The following HSPA4 variants were observed in gnomAD, a reference collection of about 807,000 sequenced individuals.
The protein encoded by HSPA4 is heat shock protein family A (Hsp70) member 4.
Under a neutral mutation model 106.2 loss-of-function variants are expected in HSPA4, and 25 were observed. That is an observed-to-expected ratio of 0.24 (90% CI 0.17 to 0.33). The LOEUF is 0.33. Ranked by LOEUF, HSPA4 falls within the 10% of genes least tolerant of loss-of-function variation. HSPA4 has a pLI of 1.00. For synonymous variants in HSPA4, 332 were observed against 333.6 expected (o/e 1.00, Z 0.05); for missense variants, 841 against 996.0 (o/e 0.84, Z 2.10).
rs56263518 is a variant in HSPA4 at position 133,090,430 on chromosome 5, C to CAAAA, written c.1379-741_1379-738dup. Among the ~76,000 whole-genome samples the CAAAA allele has an allele frequency of 3.1e-3, 170 of 54,862 alleles. 10 individuals carry two copies. The highest frequency in any genetic ancestry group is 0.022 in the East Asian group (33 of 1,488). The allele number at this position is 54,862 out of a possible 152,430, so 36.0% of individuals were successfully genotyped here. ...TAGGCGACAGAGCGAGACTCTGTCTCAAAAAAAAAAAAAAAAAAAAAAAAA... is the reference window on the plus strand; with the variant it reads ...TAGGCGACAGAGCGAGACTCTGTCTCAAAAAAAAAAAAAAAAAAAAAAAAAAAAA... On this transcript the variant is annotated intron_variant, in intron 11 of 18. Transcript: ENST00000304858.
intron 1 of HSPA4, among the ~76,000 whole-genome samples, chr5:133,054,662 C>T (rs1357867530): frequency 2.0e-5 from 3 of 152,234 alleles, no homozygotes; most frequent in African/African-American, 7.2e-5. Context: ...TTTATTTTCC[C>T]TATTTGTACT....
intron 7 of HSPA4, among the ~76,000 whole-genome samples, chr5:133,083,663 A>T (rs1434965941): frequency 6.6e-6 from 1 of 151,784 alleles, no homozygotes; most frequent in African/African-American, 2.4e-5. Context: ...TCAGCTTCCC[A>T]AGTAGCTGGG....
intron 1 of HSPA4, chr5:133,053,001 A>G (rs1329138476): frequency 6.6e-6 from 1 of 152,262 alleles, no homozygotes; most frequent in African/African-American, 2.4e-5. Context: ...TTTCCACATT[A>G]TTTCGGGATA....
At position 133,086,834 on chromosome 5, in the gene HSPA4, C is replaced by CT; in HGVS notation, c.963dup (p.Arg322SerfsTer2). On this transcript the variant is annotated frameshift_variant, in exon 8 of 19. Coordinates refer to ENST00000304858, the MANE Select transcript of HSPA4 (RefSeq NM_002154.4). LOFTEE classifies it high-confidence loss of function. ...TCTCTTAGCTAGAGTGGAGCCACCA[C>CT]TTCGTAGTGTTTTGGAACAAACCAG... The CT allele has an allele frequency of 6.2e-7, 1 of 1,613,316 alleles. No homozygotes were observed. The highest frequency in any genetic ancestry group is 8.5e-7 in the Non-Finnish European group (1 of 1,179,334).
At chr5:133,054,009 C>A (rs926244780) in intron 1 of HSPA4, among the ~76,000 whole-genome samples, 1 of 152,028 alleles carries the variant, frequency 6.6e-6, no homozygotes, top group Admixed American at 6.6e-5. Context: ...ATTTTTGTCA[C>A]ATTTCTTCAG....
chr5:133,053,289 T>C lies in HSPA4; in HGVS notation c.107+932T>C, dbSNP rs536758299. Among the ~76,000 whole-genome samples, 29 of 151,786 alleles carry C rather than the reference T, an allele frequency of 1.9e-4. 1 individual carries two copies. The South Asian group carries it at 6.0e-3, about 32-fold the overall frequency. On this transcript the variant is annotated intron_variant, in intron 1 of 18. Transcript: ENST00000304858. ...TGTCGTGTTCTTAGACAAAATCTTG[T>C]AAGAAGTTCTGTATTATTTGCCATT...
intron 2 of HSPA4, among the ~76,000 whole-genome samples, chr5:133,065,849 G>A (rs1055819534): frequency 6.6e-6 from 1 of 152,162 alleles, no homozygotes; most frequent in African/African-American, 2.4e-5. Flanking sequence ...TATTCTAAGT[G>A]TCTGAGATAT....
intron 13 of HSPA4, among the ~76,000 whole-genome samples, chr5:133,093,554 G>A (rs182239281): frequency 6.6e-6 from 1 of 151,966 alleles, no homozygotes. Context: ...ACAGTGGCAT[G>A]ATCTCGGCTC....
chr5:133,094,938 T>G (rs1765691644), intron 13 of HSPA4, among the ~76,000 whole-genome samples: 1 of 152,112 alleles, frequency 6.6e-6, no homozygotes, highest in Non-Finnish European at 1.5e-5. Context: ...TTTCAGAGTA[T>G]GAAAGCAACA....
chr5:133,097,171 T>A lies in HSPA4; in HGVS notation c.1814T>A (p.Ile605Asn). ...AATATTTATTCTCAGGGTAAGATGA[T>A]CATGCAGGATAAACTGGAGAAGGAG... ...NLYIENEGKM[I>N]MQDKLEKERN... The change falls in exon 15 of 19, where the codon ATC becomes AAC. Residue 605 changes from isoleucine (I) to asparagine (N), a missense_variant. Physicochemically the swap from Ile to Asn is moderately radical, Grantham distance 149. Transcript: ENST00000304858. The A allele has an allele frequency of 6.2e-7, 1 of 1,610,504 alleles. No homozygotes were observed. Among genetic ancestry groups the A allele is most frequent in the Non-Finnish European group, 8.5e-7 (1 of 1,177,036 alleles).
At chr5:133,088,651 G>A (rs1319640141) in intron 9 of HSPA4, 96 bp downstream of exon 9, 4 of 1,035,162 alleles carry the variant, frequency 3.9e-6, no homozygotes, top group South Asian at 1.5e-5. Flanking sequence ...AGCTCAGGGT[G>A]ACTTCAGGGT....
chr5:133,059,774 A>G (rs770434410), intron 1 of HSPA4, among the ~76,000 whole-genome samples: 7 of 152,210 alleles, frequency 4.6e-5, no homozygotes, highest in Non-Finnish European at 5.9e-5. Flanking sequence ...ATATAGGATT[A>G]TCAAGTGTAG....
At chr5:133,095,000 G>A (rs55800184) in intron 13 of HSPA4, among the ~76,000 whole-genome samples, 39,065 of 152,090 alleles carry the variant, frequency 0.26, 5,259 homozygotes, top group African/African-American at 0.3. Flanking sequence ...AAACTTATAT[G>A]TAGACAAATA....
At position 133,104,707 on chromosome 5, in the gene HSPA4, C is replaced by T. The variant is rs1442500641; in HGVS notation, c.*271C>T. 2 of 373,014 alleles carry T rather than the reference C, an allele frequency of 5.4e-6. No individual in the cohort carries two copies. The highest frequency in any genetic ancestry group is 9.8e-6 in the Non-Finnish European group (2 of 203,222). The allele number at this position is 373,014 out of a possible 1,614,324, so 23.1% of individuals were successfully genotyped here. The stretch of plus-strand genomic sequence containing the variant: ...TATGCTTCACTCCTTTATGTTTAAC[C>T]ATGTGTCTACAAGAATAAGTTTGTT... On this transcript the variant is annotated 3_prime_UTR_variant, in exon 19 of 19. Transcript: ENST00000304858.
chr5:133,080,428 A>AC (rs1197049645), intron 7 of HSPA4, among the ~76,000 whole-genome samples: 33 of 151,270 alleles, frequency 2.2e-4, no homozygotes, highest in African/African-American at 7.5e-4. Context: ...AAAAAAAAAA[A>AC]AAAAAAAAAA....
rs963625162 is a variant in HSPA4 at position 133,104,246 on chromosome 5, C to T, written c.2333C>T (p.Thr778Ile). ...IEAKIKELTS[T>I]CSPIISKPKP... Reference sequence around the variant, plus strand: ...TACCCATTCCAGGAGCTGACAAGTACTTGTAGCCCTATAATTTCAAAGCCC... The same window carrying T: ...TACCCATTCCAGGAGCTGACAAGTATTTGTAGCCCTATAATTTCAAAGCCC... The change falls in exon 19 of 19, where the codon ACT becomes ATT. Residue 778 changes from threonine (T) to isoleucine (I), a missense_variant. By Grantham distance (89) the Thr-to-Ile change is moderately conservative (BLOSUM62 -1). Transcript: ENST00000304858. 19 of 1,613,820 alleles carry T rather than the reference C, an allele frequency of 1.2e-5. No homozygotes were observed. Among genetic ancestry groups the T allele is most frequent in the African/African-American group, 1.3e-5 (1 of 74,898 alleles).
At chr5:133,101,066 A>G (rs1765778893) in intron 16 of HSPA4, among the ~76,000 whole-genome samples, 1 of 152,196 alleles carries the variant, frequency 6.6e-6, no homozygotes, top group Non-Finnish European at 1.5e-5. Flanking sequence ...TTGGTCTCCC[A>G]AAGTGCTGGG....
chr5:133,093,238 C>T (rs1765672322), intron 13 of HSPA4, among the ~76,000 whole-genome samples: 3 of 152,022 alleles, frequency 2.0e-5, no homozygotes, highest in Admixed American at 1.3e-4. Context: ...TTTATTTGAA[C>T]AATTTTTTTA....
chr5:133,068,192 G>A lies in HSPA4; in HGVS notation c.306+635G>A, dbSNP rs1411253082. ...CAGGCGTGAGCCACCGCACCTGGTA[G>A]GAATCACAGTTTTAAGTCACTAGCA... On this transcript the variant is annotated intron_variant, in intron 3 of 18. Transcript: ENST00000304858. Among the ~76,000 whole-genome samples the A allele has an allele frequency of 1.3e-5, 2 of 152,062 alleles. 1 individual carries two copies. Among genetic ancestry groups the A allele is most frequent in the Non-Finnish European group, 2.9e-5 (2 of 67,996 alleles).
Sources: gnomAD v4.1 joint callset for allele counts (sites outside exome capture counted in the v4.1 genomes callset) on GRCh38, gnomAD v4.1.1 for gene constraint, MANE v1.5 for transcripts, NCBI Gene and HGNC (gene_info 2026-07-23, HGNC 2026-07-21) for gene names.